NIPA1: variants seen among roughly 807,000 people sequenced by gnomAD.
The protein encoded by NIPA1 is NIPA magnesium transporter 1.
A neutral mutation model predicts 23.9 loss-of-function variants in NIPA1; 13 were observed. The ratio of observed to expected loss-of-function variants is 0.54; its 90% CI spans 0.35 to 0.87. The LOEUF (loss-of-function observed/expected upper bound fraction) is 0.87. NIPA1 is among the 40% of genes least tolerant of loss of function. The pLI is 0.01. For synonymous variants in NIPA1, 234 were observed against 202.9 expected (o/e 1.15, Z -1.30); for missense variants, 362 against 429.7 (o/e 0.84, Z 1.39).
intron 1 of NIPA1, among the ~76,000 whole-genome samples, chr15:22,787,526 A>T (rs1894735541): frequency 6.6e-6 from 1 of 152,198 alleles, no homozygotes; most frequent in Non-Finnish European, 1.5e-5. Flanking sequence ...GGCCAAGGCC[A>T]CTTCCCAGGT....
chr15:22,814,652 A>G (rs1009839038), intron 3 of NIPA1, among the ~76,000 whole-genome samples: 19 of 152,334 alleles, frequency 1.2e-4, no homozygotes, highest in African/African-American at 4.6e-4. Flanking sequence ...GCCCCCAAAT[A>G]GGTTCATTTC....
intron 1 of NIPA1, among the ~76,000 whole-genome samples, chr15:22,805,702 A>G (rs914525435): frequency 1.6e-4 from 25 of 152,064 alleles, no homozygotes; most frequent in Non-Finnish European, 3.1e-4. Flanking sequence ...AAAAAGAAAA[A>G]GAAAAATCTG....
chr15:22,789,513 C>T (rs1894785708), intron 1 of NIPA1, among the ~76,000 whole-genome samples: 1 of 152,088 alleles, frequency 6.6e-6, no homozygotes, highest in African/African-American at 2.4e-5. Context: ...GGGGCAGAGT[C>T]ACTTACGGCT....
In NIPA1 at chr15:22,824,116, G is replaced by C; in HGVS notation, c.867G>C (p.Val289=). ...GGGAGTGGAGCAACGTGGGCCTGGT[G>C]GACTTCTTGGGGATGGCCTGTGGAT... The part of the protein sequence containing the change: ...LFREWSNVGL[V]DFLGMACGFT... The change falls in exon 5 of 5, where the codon GTG becomes GTC. Residue 289 remains valine, a synonymous_variant. Transcript: ENST00000337435. The surrounding 1 kb of genome is among the most constrained non-coding windows in gnomAD (Gnocchi z 4.1). 7 of 1,614,112 alleles carry C rather than the reference G, an allele frequency of 4.3e-6. No homozygotes were observed. The highest frequency in any genetic ancestry group is 5.9e-6 in the Non-Finnish European group (7 of 1,179,964).
intron 1 of NIPA1, among the ~76,000 whole-genome samples, chr15:22,800,550 T>G (rs1334765328): frequency 6.6e-6 from 1 of 151,966 alleles, no homozygotes; most frequent in Non-Finnish European, 1.5e-5. Flanking sequence ...CCAACACTTT[T>G]GGGAGGCTGA....
upstream of NIPA1, chr15:22,786,484 C>A (rs368186861): frequency 6.2e-6 from 1 of 160,474 alleles, no homozygotes; most frequent in South Asian, 2.0e-4. Context: ...CCACTGCTGT[C>A]CCCGCAGCCT....
At chr15:22,793,783 A>C (rs1003695289) in intron 1 of NIPA1, among the ~76,000 whole-genome samples, 2 of 152,168 alleles carry the variant, frequency 1.3e-5, no homozygotes, top group Non-Finnish European at 2.9e-5. Context: ...ATTTTTCTGC[A>C]CATGGCTATT....
rs944911269 is a variant in NIPA1 at position 22,786,971 on chromosome 15, C to T, written c.178+137C>T. On this transcript the variant is annotated intron_variant, in intron 1 of 4. Coordinates refer to ENST00000337435, the MANE Select transcript of NIPA1 (RefSeq NM_144599.5). ...GGGCCCAGGTTGGGGGAAGGCTGCGCGGGCGGGTGCTCCCCGCGGCGTGCC... is the reference window on the plus strand; with the variant it reads ...GGGCCCAGGTTGGGGGAAGGCTGCGTGGGCGGGTGCTCCCCGCGGCGTGCC... 6.7e-5 allele frequency: 30 copies of T among 444,646 alleles called. 1 individual carries two copies. Among genetic ancestry groups the T allele is most frequent in the Admixed American group, 4.6e-4 (8 of 17,492 alleles). 27.5% of individuals were successfully genotyped at this position (444,646 alleles called of 1,614,324 possible).
chr15:22,814,100 A>G (rs1270183808), intron 3 of NIPA1: 1 of 1,281,850 alleles, frequency 7.8e-7, no homozygotes, highest in Non-Finnish European at 1.0e-6. Flanking sequence ...TCACTGTAGG[A>G]ACCATGTCAG....
intron 4 of NIPA1, among the ~76,000 whole-genome samples, chr15:22,820,813 C>A (rs61242732): frequency 0.023 from 3,514 of 152,174 alleles, 137 homozygotes; most frequent in African/African-American, 0.081. Context: ...TGCCACCCGC[C>A]CCTCCCCACA....
intron 1 of NIPA1, among the ~76,000 whole-genome samples, chr15:22,789,982 C>G (rs1196210259): frequency 6.6e-6 from 1 of 151,974 alleles, no homozygotes; most frequent in Non-Finnish European, 1.5e-5. Flanking sequence ...TTAGCAGAGA[C>G]GGGGTTTCAC....
In NIPA1 at chr15:22,823,900, G is replaced by T. The variant is rs779061961; in HGVS notation, c.651G>T (p.Leu217Phe). 1 of 1,614,190 alleles carries T rather than the reference G, an allele frequency of 6.2e-7. No homozygotes were observed. The highest frequency in any genetic ancestry group is 1.1e-5 in the South Asian group (1 of 91,082). Residue 217 changes from leucine to phenylalanine, a missense_variant, in exon 5 of 5, where the codon TTG (leucine) becomes TTT (phenylalanine). Leu to Phe is a conservative substitution (Grantham distance 22). This residue lies in a region of NIPA1 where 277 missense variants were observed against 372.0 expected (regional missense o/e 0.74). Coordinates refer to ENST00000337435, the MANE Select transcript of NIPA1 (RefSeq NM_144599.5). ...TCGGGCTGGCGGCCCAAGACATCTT[G>T]CATAACAACCCGTCCAGTCAGAGAG... is the stretch of plus-strand genomic sequence containing the variant. ...KGIGLAAQDI[L>F]HNNPSSQRAL... is the part of the protein sequence containing the mutation.
chr15:22,787,451 A>G (rs1894732999), intron 1 of NIPA1, among the ~76,000 whole-genome samples: 1 of 152,214 alleles, frequency 6.6e-6, no homozygotes, highest in South Asian at 2.1e-4. Context: ...ACCTGCACCA[A>G]ATGAATACAA....
At position 22,823,890 on chromosome 15, in the gene NIPA1, A is replaced by C. The variant is rs1895595915; in HGVS notation, c.641A>C (p.Gln214Pro). ...PSTKGIGLAAQDILHNNPSSQ... is the reference protein window; with the variant it reads ...PSTKGIGLAAPDILHNNPSSQ... ...ACCAAGGGCATCGGGCTGGCGGCCC[A>C]AGACATCTTGCATAACAACCCGTCC... Residue 214 changes from glutamine (Q) to proline (P), a missense_variant, in exon 5 of 5, where the codon CAA becomes CCA. Coordinates refer to ENST00000337435, the MANE Select transcript of NIPA1 (RefSeq NM_144599.5). The C allele has an allele frequency of 6.2e-7, 1 of 1,614,180 alleles. No individual in the cohort carries two copies. The highest frequency in any genetic ancestry group is 2.2e-5 in the East Asian group (1 of 44,890).
intron 1 of NIPA1, among the ~76,000 whole-genome samples, chr15:22,805,007 AT>A (rs1895176367): frequency 6.6e-6 from 1 of 151,704 alleles, no homozygotes; most frequent in South Asian, 2.1e-4. Context: ...TGCCTGGCTA[AT>A]TTTTTGCATT....
intron 1 of NIPA1, among the ~76,000 whole-genome samples, chr15:22,803,246 C>T (rs1895124914): frequency 6.6e-6 from 1 of 151,840 alleles, no homozygotes; most frequent in Non-Finnish European, 1.5e-5. Context: ...CATGAGCCAC[C>T]ACATCTGGCT....
chr15:22,799,564 C>G, intron 1 of NIPA1, among the ~76,000 whole-genome samples: 1 of 151,898 alleles, frequency 6.6e-6, no homozygotes. Flanking sequence ...GGGCAGATCA[C>G]GAGGTCAGGA....
chr15:22,824,191 C>A lies in NIPA1; in HGVS notation c.942C>A (p.Phe314Leu), dbSNP rs1167713510. 1 of 1,613,294 alleles carries A rather than the reference C, an allele frequency of 6.2e-7. No homozygotes were observed. The highest frequency in any genetic ancestry group is 2.2e-5 in the East Asian group (1 of 44,882). The part of the protein sequence containing the change: ...GIVLIQVFKE[F>L]NFNLGEMNKS... ...TCCTTATACAGGTGTTCAAAGAGTT[C>A]AATTTCAACCTTGGGGAGATGAACA... The change falls in exon 5 of 5, where the codon TTC (phenylalanine) becomes TTA (leucine). Residue 314 changes from phenylalanine to leucine, a missense_variant. Physicochemically the swap from Phe to Leu is conservative, Grantham distance 22. Transcript: ENST00000337435. This position sits in a 1 kb window ranked among gnomAD's most constrained non-coding sequence, Gnocchi z 4.1.
rs1420035464 is a variant in NIPA1, at chr15:22,827,095, CATACT to C, written c.*2859_*2863del. The C allele has an allele frequency of 6.6e-6, 1 of 152,058 alleles. No individual in the cohort carries two copies. The highest frequency in any genetic ancestry group is 2.4e-5 in the African/African-American group (1 of 41,386). The allele number at this position is 152,058 out of a possible 1,614,324, so 9.4% of individuals were successfully genotyped here. On this transcript the variant is annotated 3_prime_UTR_variant, in exon 5 of 5. Transcript: ENST00000337435. ...CATGTACTTGAAATATTTTCATTAT[CATACT>C]ATTCTTTGAAAAAAAAGATGCTTAC...
Sources: allele counts gnomAD v4.1 joint callset (sites outside exome capture counted in the v4.1 genomes callset), GRCh38; gene constraint gnomAD v4.1.1; regional missense constraint gnomAD v4.1.1; non-coding constraint Gnocchi (gnomAD v3.1); transcripts MANE v1.5; gene names NCBI Gene and HGNC (gene_info 2026-07-23, HGNC 2026-07-21).